PPP1R1C: variants seen among roughly 807,000 people sequenced by gnomAD.
PPP1R1C encodes the protein protein phosphatase 1 regulatory subunit 1C.
Under a neutral mutation model 17.4 loss-of-function variants are expected in PPP1R1C, and 15 were observed. The ratio of observed to expected loss-of-function variants is 0.86; its 90% confidence interval spans 0.58 to 1.33. PPP1R1C has a LOEUF of 1.33. Among genes scored for constraint, PPP1R1C ranks in the 40% most tolerant of loss-of-function variants. The pLI, the probability that PPP1R1C is intolerant of heterozygous loss-of-function variation, is 0.00. For synonymous variants in PPP1R1C, 35 were observed against 43.1 expected (o/e 0.81, Z 0.73); for missense variants, 143 against 130.0 (o/e 1.10, Z -0.48).
chr2:181,987,410 T>A (rs775221620), intron 1 of PPP1R1C, among the ~76,000 whole-genome samples: 1 of 152,196 alleles, frequency 6.6e-6, no homozygotes, highest in Non-Finnish European at 1.5e-5. Flanking sequence ...ATGCTGTTGA[T>A]TTAACTCTGG....
At chr2:182,110,427 CT>C (rs1334766760) in intron 4 of PPP1R1C, among the ~76,000 whole-genome samples, 2 of 152,130 alleles carry the variant, frequency 1.3e-5, no homozygotes, top group African/African-American at 4.8e-5. Flanking sequence ...GCCTTCTCTC[CT>C]TGTATGCTAG....
intron 3 of PPP1R1C, 79 bp from the exon 4 acceptor site, chr2:182,063,652 T>A: frequency 1.4e-5 from 15 of 1,074,666 alleles, no homozygotes; most frequent in Non-Finnish European, 2.0e-5. Context: ...TGGCACAGTA[T>A]TTATTTCCCT....
intron 4 of PPP1R1C, among the ~76,000 whole-genome samples, chr2:182,098,412 T>A (rs926104072): frequency 1.2e-4 from 19 of 152,324 alleles, no homozygotes; most frequent in African/African-American, 4.3e-4. Context: ...ATTTCATGTA[T>A]AACAAAAAGG....
intron 2 of PPP1R1C, among the ~76,000 whole-genome samples, chr2:182,037,585 CAA>C (rs71008206): frequency 8.0e-6 from 1 of 124,566 alleles, no homozygotes; most frequent in African/African-American, 3.1e-5. Flanking sequence ...GAATCCATCT[CAA>C]AAAAAAAAAA....
At chr2:182,106,660 T>C (rs1689262916) in intron 4 of PPP1R1C, among the ~76,000 whole-genome samples, 1 of 152,172 alleles carries the variant, frequency 6.6e-6, no homozygotes, top group South Asian at 2.1e-4. Context: ...AATCCCCGGA[T>C]ACAGAAAGCC....
At chr2:182,080,536 C>T (rs949573441) in intron 4 of PPP1R1C, among the ~76,000 whole-genome samples, 2 of 152,078 alleles carry the variant, frequency 1.3e-5, no homozygotes, top group Admixed American at 1.3e-4. Flanking sequence ...AGAGTAATAC[C>T]GTAACACAAT....
intron 4 of PPP1R1C, among the ~76,000 whole-genome samples, chr2:182,096,066 A>C (rs1240050394): frequency 6.6e-6 from 1 of 152,154 alleles, no homozygotes; most frequent in Non-Finnish European, 1.5e-5. Context: ...AGCATAATAC[A>C]TTTATTTAAA....
At position 181,957,011 on chromosome 2, in the gene PPP1R1C, T is replaced by C. The variant is rs555837561; in HGVS notation, n.111+2377T>C. ...TAAAATTGATTTGGGACCAGAAAAA[T>C]TTCATCAGCTGTTTTAATTTAAATA... On this transcript the variant is annotated intron_variant and non_coding_transcript_variant, in intron 1 of 5. Transcript: ENST00000464264. The surrounding 1 kb of genome is among the most constrained non-coding windows in gnomAD (Gnocchi z 4.2). Among the ~76,000 whole-genome samples, 2 of 152,200 alleles carry C rather than the reference T, an allele frequency of 1.3e-5. No individual in the cohort carries two copies. The highest frequency in any genetic ancestry group is 3.9e-4 in the East Asian group (2 of 5,182).
chr2:182,074,818 C>T (rs1256755710), intron 4 of PPP1R1C, among the ~76,000 whole-genome samples: 1 of 152,192 alleles, frequency 6.6e-6, no homozygotes, highest in African/African-American at 2.4e-5. Context: ...TGAGTGTTTT[C>T]TGTGGGACAG....
intron 4 of PPP1R1C, among the ~76,000 whole-genome samples, chr2:182,101,814 C>T (rs964914308): frequency 6.6e-6 from 1 of 152,186 alleles, no homozygotes; most frequent in African/African-American, 2.4e-5. Flanking sequence ...TTTCTCAAAG[C>T]CCTGTTACTG....
intron 1 of PPP1R1C, among the ~76,000 whole-genome samples, chr2:181,987,551 T>C (rs1685334675): frequency 6.6e-6 from 1 of 152,218 alleles, no homozygotes; most frequent in Admixed American, 6.5e-5. Flanking sequence ...ACCCTGTACC[T>C]TCATTGTAAA....
chr2:182,023,612 T>A (rs1686499604), intron 2 of PPP1R1C, among the ~76,000 whole-genome samples: 1 of 152,056 alleles, frequency 6.6e-6, no homozygotes, highest in South Asian at 2.1e-4. Context: ...GATAAAATAT[T>A]ATTATTAAAT....
intron 1 of PPP1R1C, among the ~76,000 whole-genome samples, chr2:181,956,208 T>A (rs1174117024): frequency 6.6e-6 from 1 of 152,214 alleles, no homozygotes; most frequent in Non-Finnish European, 1.5e-5. Flanking sequence ...TTCATCCATG[T>A]CCTTGCAAAG....
intron 5 of PPP1R1C, among the ~76,000 whole-genome samples, chr2:182,123,626 C>T (rs528253769): frequency 4.3e-4 from 65 of 152,190 alleles, no homozygotes; most frequent in African/African-American, 1.5e-3. Context: ...TTTTATCATA[C>T]GTTTGTTGAC....
intron 2 of PPP1R1C, among the ~76,000 whole-genome samples, chr2:182,000,659 A>G (rs1248291529): frequency 1.3e-5 from 2 of 152,200 alleles, no homozygotes; most frequent in Non-Finnish European, 2.9e-5. Context: ...TTATTTGGTT[A>G]TGTGACTTTT....
chr2:181,990,214 C>T (rs1685436213), intron 2 of PPP1R1C, among the ~76,000 whole-genome samples: 1 of 151,968 alleles, frequency 6.6e-6, no homozygotes, highest in African/African-American at 2.4e-5. Context: ...TCTCAGCTCA[C>T]TGCAAGCTCC....
At chr2:182,023,968 G>C (rs755388723) in intron 2 of PPP1R1C, 2 of 151,966 alleles carry the variant, frequency 1.3e-5, no homozygotes, top group Non-Finnish European at 1.5e-5. Flanking sequence ...AGATGTACAG[G>C]CATAAAAAGC....
Position 182,061,432 on chromosome 2 carries a change from T to C in PPP1R1C, c.143-10T>C. The C allele has an allele frequency of 2.7e-6, 4 of 1,456,508 alleles. No individual in the cohort carries two copies. The highest frequency in any genetic ancestry group is 3.7e-6 in the Non-Finnish European group (4 of 1,094,268). The allele number at this position is 1,456,508 out of a possible 1,614,324, so 90.2% of individuals were successfully genotyped here. ...ACATGCCTAATACATTCTACCTACTTCTCTTACAGAAATAGATGACAAGAG... is the reference window on the plus strand; with the variant it reads ...ACATGCCTAATACATTCTACCTACTCCTCTTACAGAAATAGATGACAAGAG... On this transcript the variant is annotated splice_polypyrimidine_tract_variant and intron_variant, in intron 2 of 4. Coordinates refer to ENST00000682840, the MANE Select transcript of PPP1R1C (RefSeq NM_001080545.3).
chr2:182,058,807 C>T (rs777568827), intron 2 of PPP1R1C, among the ~76,000 whole-genome samples: 61 of 152,210 alleles, frequency 4.0e-4, no homozygotes, highest in Middle Eastern at 3.4e-3. Context: ...CTTTCCTTAG[C>T]GTTGTCTCTG....
Sources: gnomAD v4.1 joint callset for allele counts (sites outside exome capture counted in the v4.1 genomes callset) on GRCh38, gnomAD v4.1.1 for gene constraint, Gnocchi (gnomAD v3.1) non-coding constraint, MANE v1.5 for transcripts, NCBI Gene and HGNC (gene_info 2026-07-23, HGNC 2026-07-21) for gene names.